STK33: variants seen among roughly 807,000 people sequenced by gnomAD.
STK33 encodes the protein serine/threonine-protein kinase 33.
STK33 carries 52 observed loss-of-function variants against 58.0 expected under a neutral mutation model. That is an observed-to-expected ratio of 0.90 (90% confidence interval 0.72 to 1.13). The LOEUF is 1.13. Among genes scored for constraint, STK33 ranks in the 50% most tolerant of loss-of-function variants. The pLI, the probability that STK33 is intolerant of heterozygous loss-of-function variation, is 0.00. For missense variants in STK33, 630 were observed against 604.2 expected (o/e 1.04, Z -0.45); for synonymous variants, 215 against 200.1 (o/e 1.07, Z -0.63).
intron 1 of STK33, among the ~76,000 whole-genome samples, chr11:8,505,961 A>G (rs923831788): frequency 6.6e-6 from 1 of 152,188 alleles, no homozygotes; most frequent in Admixed American, 6.5e-5. Flanking sequence ...CTAACTCACC[A>G]CACTGTTGAG....
chr11:8,545,312 A>C (rs1955827048), intron 1 of STK33, among the ~76,000 whole-genome samples: 1 of 152,176 alleles, frequency 6.6e-6, no homozygotes, highest in African/African-American at 2.4e-5. Flanking sequence ...TTTTACAGCT[A>C]AATAAGCATG....
the STK33 span, among the ~76,000 whole-genome samples, chr11:8,347,545 G>C: frequency 6.6e-6 from 1 of 152,256 alleles, no homozygotes; most frequent in Admixed American, 6.5e-5. Context: ...ACTGTCTGGA[G>C]CATTGCTGGT....
At chr11:8,517,781 G>C (rs1371178916) in intron 1 of STK33, among the ~76,000 whole-genome samples, 1 of 152,046 alleles carries the variant, frequency 6.6e-6, no homozygotes, top group African/African-American at 2.4e-5. Context: ...GAGAAGAGAA[G>C]TTTAGAGAAA....
chr11:8,359,003 T>G, the STK33 span, among the ~76,000 whole-genome samples: 1 of 152,136 alleles, frequency 6.6e-6, no homozygotes, highest in Non-Finnish European at 1.5e-5. Context: ...GTAACAGGCC[T>G]ACCCAACACG....
intron 1 of STK33, among the ~76,000 whole-genome samples, chr11:8,535,014 A>T (rs1328608677): frequency 1.3e-5 from 2 of 152,174 alleles, no homozygotes; most frequent in Non-Finnish European, 2.9e-5. Flanking sequence ...GGGGAGAGAG[A>T]GTATGGAAAG....
At chr11:8,573,907 T>C (rs562619346) in intron 1 of STK33, among the ~76,000 whole-genome samples, 69 of 152,188 alleles carry the variant, frequency 4.5e-4, no homozygotes, top group Non-Finnish European at 7.6e-4. Flanking sequence ...GGGTTACAGA[T>C]AGGAGAGGGG....
At chr11:8,434,654 G>A (rs902104671) in intron 14 of STK33, among the ~76,000 whole-genome samples, 3 of 152,112 alleles carry the variant, frequency 2.0e-5, no homozygotes, top group Admixed American at 2.0e-4. Context: ...TTGTTGCTCT[G>A]CCATTTCCAG....
At chr11:8,435,657 A>G in intron 13 of STK33, 78 bp from the exon 14 acceptor site, 1 of 800,250 alleles carries the variant, frequency 1.2e-6, no homozygotes. Flanking sequence ...TTTTAGGATT[A>G]GGTCAGTATA....
chr11:8,536,969 A>G (rs1353800881), intron 1 of STK33, among the ~76,000 whole-genome samples: 9 of 116,762 alleles, frequency 7.7e-5, no homozygotes, highest in South Asian at 2.8e-4. Flanking sequence ...AAAAAAAAAA[A>G]AGATTTTTTT....
At chr11:8,364,737 C>T in the STK33 span, among the ~76,000 whole-genome samples, 1 of 152,206 alleles carries the variant, frequency 6.6e-6, no homozygotes, top group Non-Finnish European at 1.5e-5. Flanking sequence ...TTTCTCATTG[C>T]TGTGTACTAC....
intron 1 of STK33, among the ~76,000 whole-genome samples, chr11:8,507,522 T>A (rs1215061165): frequency 6.6e-6 from 1 of 151,702 alleles, no homozygotes; most frequent in East Asian, 1.9e-4. Flanking sequence ...CAGCGAAGAG[T>A]CTTTGATGAC....
intron 14 of STK33, among the ~76,000 whole-genome samples, chr11:8,430,577 T>C (rs1342652022): frequency 6.6e-6 from 1 of 152,194 alleles, no homozygotes; most frequent in African/African-American, 2.4e-5. Flanking sequence ...GTGGGTTGGA[T>C]AAGCTTGCTT....
At chr11:8,546,337 A>T (rs1024392003) in intron 1 of STK33, among the ~76,000 whole-genome samples, 7 of 152,224 alleles carry the variant, frequency 4.6e-5, no homozygotes, top group African/African-American at 1.2e-4. Flanking sequence ...GCACATATTT[A>T]TGGGGTACCT....
chr11:8,369,778 A>G, the STK33 span, among the ~76,000 whole-genome samples: 1 of 152,222 alleles, frequency 6.6e-6, no homozygotes, highest in Non-Finnish European at 1.5e-5. Flanking sequence ...GCAAGGCCCC[A>G]GGACCTTGGT....
chr11:8,342,781 A>T, the STK33 span, among the ~76,000 whole-genome samples: 1 of 152,252 alleles, frequency 6.6e-6, no homozygotes. Context: ...TGGATAGAAT[A>T]GGCCTGGCAT....
At chr11:8,468,999 A>T (rs1353983474) in intron 6 of STK33, among the ~76,000 whole-genome samples, 1 of 152,236 alleles carries the variant, frequency 6.6e-6, no homozygotes, top group East Asian at 1.9e-4. Flanking sequence ...ATGCAATTGT[A>T]ATCTTTTTGC....
chr11:8,552,989 TA>T (rs1252120241), intron 1 of STK33, among the ~76,000 whole-genome samples: 29 of 137,786 alleles, frequency 2.1e-4, no homozygotes, highest in Non-Finnish European at 1.9e-4. Context: ...TGTCTCCACA[TA>T]AAAAAAAAAA....
chr11:8,496,794 T>C (rs1951093780), intron 1 of STK33, among the ~76,000 whole-genome samples: 1 of 152,102 alleles, frequency 6.6e-6, no homozygotes, highest in African/African-American at 2.4e-5. Context: ...CAGGATGGTC[T>C]CGATCTCCTC....
At chr11:8,482,034 G>T (rs1328262467) in intron 1 of STK33, among the ~76,000 whole-genome samples, 2 of 152,124 alleles carry the variant, frequency 1.3e-5, no homozygotes, top group Admixed American at 1.3e-4. Context: ...AAAGATTCAT[G>T]TGAGACATAA....
Sources: allele counts gnomAD v4.1 joint callset (sites outside exome capture counted in the v4.1 genomes callset), GRCh38; gene constraint gnomAD v4.1.1; transcripts MANE v1.5; gene names NCBI Gene and HGNC (gene_info 2026-07-23, HGNC 2026-07-21).